Variants in ARHGAP42 observed in about 807,000 individuals in gnomAD.
ARHGAP42 encodes Rho GTPase activating protein 42, also known as rho GTPase-activating protein 42.
In ARHGAP42, 63 loss-of-function variants were observed where a neutral mutation model predicts 125.0. That is an observed-to-expected ratio of 0.50 (90% CI 0.41 to 0.62). ARHGAP42 has a LOEUF of 0.62. Among genes scored for constraint, ARHGAP42 ranks in the 20% least tolerant of loss-of-function variants. The pLI, the probability that ARHGAP42 is intolerant of heterozygous loss-of-function variation, is 0.00. For synonymous variants in ARHGAP42, 339 were observed against 351.0 expected (o/e 0.97, Z 0.38); for missense variants, 766 against 1,024.2 (o/e 0.75, Z 3.44).
rs914999397 is a variant in ARHGAP42, at chr11:100,713,991, G to GA, written c.154+26167dup. On this transcript the variant is annotated intron_variant, in intron 1 of 23. Coordinates refer to ENST00000298815, the MANE Select transcript of ARHGAP42 (RefSeq NM_152432.4). ...TTCTGTTCTTTTGCTGAATTAAAAA[G>GA]AAAAAAAATAATTTAAGGCAAGAAT... Among the ~76,000 whole-genome samples, 12 of 151,908 alleles carry GA rather than the reference G, an allele frequency of 7.9e-5. No homozygotes were observed. In the South Asian group the frequency reaches 1.7e-3, roughly 21 times the overall value.
In ARHGAP42 at chr11:100,961,655, A is replaced by G. The variant is rs573811833; in HGVS notation, c.1301-29A>G. On this transcript the variant is annotated intron_variant, in intron 14 of 23. Transcript: ENST00000298815. ...CATAAGAAATATTTTGAACTGCACA[A>G]TTTAAACACCTTGTTTTATTCTTTC... The G allele has an allele frequency of 6.9e-5, 107 of 1,543,236 alleles. 1 individual carries two copies. In the African/African-American group the frequency reaches 1.1e-3, roughly 16 times the overall value.
chr11:100,932,331 T>C (rs747104075), intron 6 of ARHGAP42, among the ~76,000 whole-genome samples: 26 of 152,176 alleles, frequency 1.7e-4, no homozygotes, highest in Admixed American at 6.5e-5. Flanking sequence ...TCTAACTTTA[T>C]TGCAGGAAGA....
At chr11:100,689,556 C>T (rs1469416993) in intron 1 of ARHGAP42, among the ~76,000 whole-genome samples, 3 of 152,194 alleles carry the variant, frequency 2.0e-5, no homozygotes, top group African/African-American at 7.2e-5. Context: ...ATGGTTGAAT[C>T]TAGCTTTGTA....
rs185127429 is a variant in ARHGAP42 at position 100,982,386 on chromosome 11, G to A, written c.2456+3337G>A. Among the ~76,000 whole-genome samples, 464 of 152,246 alleles carry A rather than the reference G, an allele frequency of 3.0e-3. 1 individual carries two copies. Among genetic ancestry groups the A allele is most frequent in the South Asian group, 0.014 (69 of 4,816 alleles). On this transcript the variant is annotated intron_variant, in intron 22 of 23. Transcript: ENST00000298815. ...CCACAATGTCCAAGACTGAGGCCTC[G>A]GGAAGCTGCATTTTTGTCACCCTCC... is the stretch of plus-strand genomic sequence containing the variant.
chr11:100,870,904 A>G (rs1865679394), intron 4 of ARHGAP42, among the ~76,000 whole-genome samples: 1 of 151,964 alleles, frequency 6.6e-6, no homozygotes, highest in Non-Finnish European at 1.5e-5. Context: ...GAGAAAACAC[A>G]GATATCAGAG....
In ARHGAP42 at chr11:100,789,984, T is replaced by A. The variant is rs78764374; in HGVS notation, c.251-5121T>A. Among the ~76,000 whole-genome samples the A allele has an allele frequency of 2.0e-3, 303 of 152,322 alleles. 11 individuals are homozygous for A. In the East Asian group the frequency reaches 0.051, roughly 26 times the overall value. On this transcript the variant is annotated intron_variant, in intron 2 of 23. Transcript: ENST00000298815. ...GCTTTCCCAATTCTCATCGTAGTTT[T>A]AAAATATGTAAAGCCCAAACTGATC...
chr11:100,725,607 C>T (rs1422477500), intron 1 of ARHGAP42, among the ~76,000 whole-genome samples: 4 of 150,210 alleles, frequency 2.7e-5, no homozygotes, highest in South Asian at 2.1e-4. Context: ...GCAACTGTAT[C>T]TACCAAAAAT....
chr11:100,721,146 CTG>C (rs1229134512), intron 1 of ARHGAP42, among the ~76,000 whole-genome samples: 1 of 133,998 alleles, frequency 7.5e-6, no homozygotes, highest in Non-Finnish European at 1.7e-5. Context: ...GAGGTTCACT[CTG>C]TGTTCTACAA....
chr11:100,957,379 TAC>T (rs1857832482), intron 12 of ARHGAP42, among the ~76,000 whole-genome samples: 7 of 152,140 alleles, frequency 4.6e-5, no homozygotes, highest in Admixed American at 3.3e-4. Flanking sequence ...TTCATCTTAC[TAC>T]AACTGTTTAA....
At chr11:100,852,418 A>G (rs538599243) in intron 3 of ARHGAP42, among the ~76,000 whole-genome samples, 36 of 152,202 alleles carry the variant, frequency 2.4e-4, no homozygotes, top group Non-Finnish European at 4.9e-4. Flanking sequence ...TGAATAATTT[A>G]TAACAGATGA....
intron 3 of ARHGAP42, among the ~76,000 whole-genome samples, chr11:100,809,842 G>A (rs1864093608): frequency 3.3e-5 from 5 of 152,072 alleles, no homozygotes; most frequent in Admixed American, 2.6e-4. Context: ...TTGGGAGGCT[G>A]AGGTGGGAAG....
intron 1 of ARHGAP42, among the ~76,000 whole-genome samples, chr11:100,697,374 G>A (rs1201807621): frequency 2.6e-5 from 4 of 152,072 alleles, no homozygotes; most frequent in African/African-American, 9.7e-5. Flanking sequence ...AGTAGAGACG[G>A]GGTTTCACCG....
intron 1 of ARHGAP42, among the ~76,000 whole-genome samples, chr11:100,753,167 G>A (rs1380623387): frequency 6.6e-6 from 1 of 152,214 alleles, no homozygotes; most frequent in African/African-American, 2.4e-5. Context: ...GTGGGGGTGA[G>A]GGGACTGGTT....
In ARHGAP42 at chr11:100,806,538, A is replaced by G. The variant is rs1863993474; in HGVS notation, c.312+11372A>G. Among the ~76,000 whole-genome samples the G allele has an allele frequency of 2.0e-5, 3 of 152,142 alleles. No homozygotes were observed. In the South Asian group the frequency reaches 6.2e-4, roughly 32 times the overall value. On this transcript the variant is annotated intron_variant, in intron 3 of 23. Coordinates refer to ENST00000298815, the MANE Select transcript of ARHGAP42 (RefSeq NM_152432.4). ...CTTAGGTTAACTTTAATTAGAAACA[A>G]ATTTTAGGTATGTTGGCCTCCATAG...
intron 11 of ARHGAP42, among the ~76,000 whole-genome samples, chr11:100,949,263 G>A (rs1391334911): frequency 6.6e-6 from 1 of 152,038 alleles, no homozygotes; most frequent in Non-Finnish European, 1.5e-5. Flanking sequence ...CCCTCAAACT[G>A]TGTTACCAGT....
intron 4 of ARHGAP42, among the ~76,000 whole-genome samples, chr11:100,875,097 CTCTCTCTCTCTG>C (rs1437613861): frequency 1.6e-4 from 15 of 95,220 alleles, no homozygotes; most frequent in East Asian, 5.3e-4. Flanking sequence ...CTCTCTCTCT[CTCTCTCTCTCTG>C]TGTGTGTGTG....
At chr11:100,806,466 A>G (rs1227429306) in intron 3 of ARHGAP42, among the ~76,000 whole-genome samples, 1 of 152,208 alleles carries the variant, frequency 6.6e-6, no homozygotes, top group Admixed American at 6.5e-5. Flanking sequence ...GAGGCACAGT[A>G]TGCCAAAATT....
At chr11:100,755,612 G>T (rs1862551851) in intron 1 of ARHGAP42, among the ~76,000 whole-genome samples, 1 of 152,194 alleles carries the variant, frequency 6.6e-6, no homozygotes, top group South Asian at 2.1e-4. Context: ...GGTAGCCATT[G>T]TCAGCTCATT....
intron 23 of ARHGAP42, among the ~76,000 whole-genome samples, chr11:100,988,441 T>A (rs1006418086): frequency 1.3e-5 from 2 of 152,196 alleles, no homozygotes; most frequent in African/African-American, 4.8e-5. Flanking sequence ...AACAACTATT[T>A]ACATAGTATT....
Sources: allele counts gnomAD v4.1 joint callset (sites outside exome capture counted in the v4.1 genomes callset), GRCh38; gene constraint gnomAD v4.1.1; transcripts MANE v1.5; gene names NCBI Gene and HGNC (gene_info 2026-07-23, HGNC 2026-07-21).